LHX4: variants seen among roughly 807,000 people sequenced by gnomAD.
LHX4 encodes LIM/homeobox protein Lhx4.
A neutral mutation model predicts 39.2 loss-of-function variants in LHX4; 16 were observed. The ratio of observed to expected loss-of-function variants is 0.41; its 90% CI spans 0.28 to 0.62. LHX4 has a LOEUF of 0.62. LHX4 is among the 20% of genes least tolerant of loss of function. The pLI, the probability that LHX4 is intolerant of heterozygous loss-of-function variation, is 0.33. For missense variants in LHX4, 439 were observed against 511.9 expected (o/e 0.86, Z 1.37); for synonymous variants, 206 against 198.1 (o/e 1.04, Z -0.33).
At position 180,276,211 on chromosome 1, in the gene LHX4, T is replaced by C. The variant is rs1218074659; in HGVS notation, c.*1632T>C. The C allele has an allele frequency of 6.6e-6, 1 of 152,240 alleles. No individual in the cohort carries two copies. Among genetic ancestry groups the C allele is most frequent in the East Asian group, 1.9e-4 (1 of 5,196 alleles). The allele number at this position is 152,240 out of a possible 1,614,324, so 9.4% of individuals were successfully genotyped here. On this transcript the variant is annotated 3_prime_UTR_variant, in exon 6 of 6. Transcript: ENST00000263726. The stretch of plus-strand genomic sequence containing the variant: ...CAGAGACCCTAAGGACCCTTCCTTC[T>C]ACGAATGGTTGGTCACCTTTTGAGG...
intron 2 of LHX4, among the ~76,000 whole-genome samples, chr1:180,260,865 C>T (rs946940685): frequency 4.0e-5 from 6 of 151,748 alleles, no homozygotes; most frequent in African/African-American, 9.7e-5. Context: ...TCAGAAGCAC[C>T]GACTGCAAAC....
chr1:180,248,316 C>T lies in LHX4; in HGVS notation c.108C>T (p.His36=). Reference sequence around the variant, plus strand: ...CCCAGTGCGCTGGCTGCAACCAGCACATCCTGGACAAGTTCATCCTGAAGG... The same window carrying T: ...CCCAGTGCGCTGGCTGCAACCAGCATATCCTGGACAAGTTCATCCTGAAGG... ...QIPQCAGCNQ[H]ILDKFILKVL... is the part of the protein sequence containing the mutation. Residue 36 remains histidine (H), a synonymous_variant, in exon 2 of 6, where the codon CAC becomes CAT. Transcript: ENST00000263726. 1 of 1,614,230 alleles carries T rather than the reference C, an allele frequency of 6.2e-7. No individual in the cohort carries two copies. The highest frequency in any genetic ancestry group is 8.5e-7 in the Non-Finnish European group (1 of 1,180,048).
At position 180,274,856 on chromosome 1, in the gene LHX4, T is replaced by G. The variant is rs1648929706; in HGVS notation, c.*277T>G. On this transcript the variant is annotated 3_prime_UTR_variant, in exon 6 of 6. Coordinates refer to ENST00000263726, the MANE Select transcript of LHX4 (RefSeq NM_033343.4). Reference sequence around the variant, plus strand: ...GGCTTGTTGGGTCTCTCCCCTGCTGTTCTGCTTAGGGGCTTGGCTGCTCAG... The same window carrying G: ...GGCTTGTTGGGTCTCTCCCCTGCTGGTCTGCTTAGGGGCTTGGCTGCTCAG... 2 of 369,914 alleles carry G rather than the reference T, an allele frequency of 5.4e-6. No individual in the cohort carries two copies. Among genetic ancestry groups the G allele is most frequent in the African/African-American group, 4.0e-5 (2 of 49,770 alleles). The allele number at this position is 369,914 out of a possible 1,614,324, so 22.9% of individuals were successfully genotyped here. A position where few individuals can be genotyped will look rare whatever the true frequency, so the allele number is the denominator to read the frequency against.
rs951477086 is a variant in LHX4, at chr1:180,230,465, A to G, written c.-65A>G. On this transcript the variant is annotated 5_prime_UTR_variant, in exon 1 of 6. Transcript: ENST00000263726. The surrounding 1 kb of genome is among the most constrained non-coding windows in gnomAD (Gnocchi z 5.8). ...TTTAATTATTATTTTGAAATTTCTG[A>G]ATCGAGCTAGAGCGAGAGAGCGAGA... 1.5e-4 allele frequency: 211 copies of G among 1,372,778 alleles called. No homozygotes were observed. The highest frequency in any genetic ancestry group is 2.1e-4 in the Non-Finnish European group (206 of 967,684). The allele number at this position is 1,372,778 out of a possible 1,614,324, so 85.0% of individuals were successfully genotyped here.
chr1:180,272,069 C>T (rs1648706094), intron 5 of LHX4, 63 bp downstream of exon 5: 1 of 1,486,888 alleles, frequency 6.7e-7, no homozygotes, highest in African/African-American at 1.4e-5. Context: ...TCTGTAATCC[C>T]TGGCACTCAG....
Position 180,232,301 on chromosome 1 carries a change from C to T in LHX4, c.76+1696C>T, listed in dbSNP as rs552984465. ...CGTAGGTGACCTGTCTGTTGGGACC[C>T]CAATGAAGGACGATGGTCTCTGCTC... On this transcript the variant is annotated intron_variant, in intron 1 of 5. Coordinates refer to ENST00000263726, the MANE Select transcript of LHX4 (RefSeq NM_033343.4). This position sits in a 1 kb window ranked among gnomAD's most constrained non-coding sequence, Gnocchi z 5.4. 3.5e-4 allele frequency among the ~76,000 whole-genome samples: 54 copies of T among 152,270 alleles called. No homozygotes were observed. The highest frequency in any genetic ancestry group is 1.3e-3 in the African/African-American group (53 of 41,548).
intron 2 of LHX4, among the ~76,000 whole-genome samples, chr1:180,259,152 G>C (rs1165486177): frequency 6.6e-6 from 1 of 152,072 alleles, no homozygotes; most frequent in Non-Finnish European, 1.5e-5. Context: ...GAGGAGCAGA[G>C]GCCGGAGAGC....
upstream of LHX4, among the ~76,000 whole-genome samples, chr1:180,228,953 G>A (rs558232165): frequency 1.4e-4 from 21 of 152,346 alleles, no homozygotes; most frequent in Admixed American, 1.1e-3. Context: ...GTGGGGGCTG[G>A]GGGCAGGAGA....
upstream of LHX4, among the ~76,000 whole-genome samples, chr1:180,229,960 G>GGAGGCGGGGGGGGCGGGGGGGGC (rs1491258041): frequency 1.7e-3 from 71 of 42,018 alleles, 14 homozygotes; most frequent in Non-Finnish European, 2.9e-3. Flanking sequence ...AGGCGGAGGC[G>GGAGGCGGGGGGGGCGGGGGGGGC]GGGAGGGGGG....
chr1:180,241,285 G>A lies in LHX4; in HGVS notation c.77-7000G>A, dbSNP rs112844171. 2.4e-3 allele frequency among the ~76,000 whole-genome samples: 373 copies of A among 152,304 alleles called. 2 individuals carry two copies. The highest frequency in any genetic ancestry group is 8.4e-3 in the African/African-American group (348 of 41,556). On this transcript the variant is annotated intron_variant, in intron 1 of 5. Coordinates refer to ENST00000263726, the MANE Select transcript of LHX4 (RefSeq NM_033343.4). ...TCTGCTGTTTATACTCCAGGATCAC[G>A]TTGATTAAAAAAGAGTGTGTGTCTT...
intron 1 of LHX4, among the ~76,000 whole-genome samples, chr1:180,235,654 TGAC>T (rs1483036684): frequency 6.6e-6 from 1 of 152,178 alleles, no homozygotes; most frequent in Admixed American, 6.5e-5. Context: ...TAGTGGACCT[TGAC>T]GAGCGCTGGA....
rs1382865202 is a variant in LHX4, at chr1:180,230,812, G to C, written c.76+207G>C. ...TGGGGCCGAATGTGAACGCCTCCTG[G>C]ATCATGCTTGAGGCGAGCCGAGTAC... On this transcript the variant is annotated intron_variant, in intron 1 of 5. Coordinates refer to ENST00000263726, the MANE Select transcript of LHX4 (RefSeq NM_033343.4). The surrounding 1 kb of genome is among the most constrained non-coding windows in gnomAD (Gnocchi z 5.8). Among the ~76,000 whole-genome samples the C allele has an allele frequency of 6.6e-6, 1 of 152,190 alleles. No individual in the cohort carries two copies. Among genetic ancestry groups the C allele is most frequent in the African/African-American group, 2.4e-5 (1 of 41,450 alleles).
At position 180,271,992 on chromosome 1, in the gene LHX4, A is replaced by G; in HGVS notation, c.764A>G (p.Glu255Gly). 6.2e-7 allele frequency: 1 copy of G among 1,612,538 alleles called. No individual in the cohort carries two copies. The highest frequency in any genetic ancestry group is 8.5e-7 in the Non-Finnish European group (1 of 1,179,632). The change falls in exon 5 of 6, where the codon GAG (glutamate) becomes GGG (glycine). Residue 255 changes from glutamate (E) to glycine (G), a missense_variant. Physicochemically the swap from Glu to Gly is moderately conservative, Grantham distance 98. Transcript: ENST00000263726. Reference protein sequence around the residue: ...SAEDCGVSDSELSFREDQILS... With the variant: ...SAEDCGVSDSGLSFREDQILS... ...GAGGACTGTGGGGTTAGTGACAGTG[A>G]GCTGAGCTTCCGAGGTGAGCAGGGC...
chr1:180,250,607 A>G (rs1647587365), intron 2 of LHX4, among the ~76,000 whole-genome samples: 4 of 152,152 alleles, frequency 2.6e-5, no homozygotes, highest in African/African-American at 9.7e-5. Context: ...TGGCTGGTCC[A>G]GTGTGGCGGC....
chr1:180,235,741 G>A (rs1157341623), intron 1 of LHX4, among the ~76,000 whole-genome samples: 2 of 152,222 alleles, frequency 1.3e-5, no homozygotes, highest in Non-Finnish European at 1.5e-5. Context: ...GACCAGGGAA[G>A]GGAGTTGGCG....
At chr1:180,258,317 G>A (rs889937741) in intron 2 of LHX4, among the ~76,000 whole-genome samples, 2 of 152,232 alleles carry the variant, frequency 1.3e-5, no homozygotes, top group African/African-American at 4.8e-5. Context: ...CAGGGAAGCA[G>A]TGCCCGGGCC....
chr1:180,236,000 A>C (rs1273339761), intron 1 of LHX4, among the ~76,000 whole-genome samples: 1 of 152,218 alleles, frequency 6.6e-6, no homozygotes, highest in Non-Finnish European at 1.5e-5. Context: ...CGGGAGCAGC[A>C]GGAAGTTGAA....
At chr1:180,239,629 G>GTCC (rs1331608501) in intron 1 of LHX4, among the ~76,000 whole-genome samples, 1 of 152,218 alleles carries the variant, frequency 6.6e-6, no homozygotes, top group Non-Finnish European at 1.5e-5. Context: ...TTGAGCACAG[G>GTCC]TGGAAGCCAT....
At chr1:180,246,284 C>T (rs185405308) in intron 1 of LHX4, among the ~76,000 whole-genome samples, 28 of 152,280 alleles carry the variant, frequency 1.8e-4, no homozygotes, top group Non-Finnish European at 3.1e-4. Flanking sequence ...GTACAAACGT[C>T]TTAATAGTCA....
Sources: allele counts gnomAD v4.1 joint callset (sites outside exome capture counted in the v4.1 genomes callset), GRCh38; gene constraint gnomAD v4.1.1; non-coding constraint Gnocchi (gnomAD v3.1); transcripts MANE v1.5; gene names NCBI Gene and HGNC (gene_info 2026-07-23, HGNC 2026-07-21).